The following NAV1 variants were observed in gnomAD, a reference collection of about 807,000 sequenced individuals.
The protein encoded by NAV1 is pore membrane and/or filament interacting like protein 3.
In NAV1, 18 loss-of-function variants were observed where a neutral mutation model predicts 175.2. That is an observed-to-expected ratio of 0.10 (90% confidence interval 0.07 to 0.15). The LOEUF is 0.15. NAV1 is among the 10% of genes least tolerant of loss of function. NAV1 has a pLI of 1.00. For synonymous variants in NAV1, 897 were observed against 978.7 expected (o/e 0.92, Z 1.56); for missense variants, 1,731 against 2,436.6 (o/e 0.71, Z 6.10).
At chr1:201,744,652 A>T (rs1673655225) in intron 3 of NAV1, among the ~76,000 whole-genome samples, 1 of 152,212 alleles carries the variant, frequency 6.6e-6, no homozygotes, top group Non-Finnish European at 1.5e-5. Flanking sequence ...AGCAGGGGCC[A>T]TACTTTGAGT....
chr1:201,818,141 A>G (rs553201534), intron 29 of NAV1, among the ~76,000 whole-genome samples: 1 of 152,186 alleles, frequency 6.6e-6, no homozygotes, highest in East Asian at 1.9e-4. Context: ...GAGGTGGGAG[A>G]TTGCTTGAGC....
At chr1:201,654,717 A>G (rs1430901606) in intron 1 of NAV1, among the ~76,000 whole-genome samples, 4 of 152,030 alleles carry the variant, frequency 2.6e-5, no homozygotes, top group African/African-American at 4.8e-5. Context: ...CCCTTCCCTG[A>G]GATTTCATAG....
exon 11 of NAV1, chr1:201,789,765 C>A (rs1457851430): frequency 1.2e-6 from 2 of 1,614,022 alleles, no homozygotes; most frequent in African/African-American, 2.7e-5. Context: ...TGTCCCTGGC[C>A]TCCAGTGCCT....
At chr1:201,779,927 G>A (rs759641300) in intron 3 of NAV1, among the ~76,000 whole-genome samples, 3 of 152,102 alleles carry the variant, frequency 2.0e-5, no homozygotes, top group Admixed American at 6.6e-5. Context: ...CTGCATAAAC[G>A]GAGGCTCAAT....
At chr1:201,806,718 G>GC (rs1571512182) in intron 17 of NAV1, among the ~76,000 whole-genome samples, 1 of 152,140 alleles carries the variant, frequency 6.6e-6, no homozygotes, top group East Asian at 1.9e-4. Context: ...GTACTTTTGA[G>GC]CCCTGACTGC....
chr1:201,570,565 G>T (rs1433584195), intron 1 of NAV1, among the ~76,000 whole-genome samples: 2 of 152,236 alleles, frequency 1.3e-5, no homozygotes, highest in Non-Finnish European at 2.9e-5. Context: ...CCAAGGAGAT[G>T]CTTGCCTGGT....
intron 3 of NAV1, chr1:201,719,754 C>T (rs73086584): frequency 0.017 from 2,523 of 152,688 alleles, 69 homozygotes; most frequent in African/African-American, 0.057. Flanking sequence ...AGGGGCCATA[C>T]AAGTAGCAGC....
At chr1:201,650,218 A>T (rs1038902236) in intron 1 of NAV1, among the ~76,000 whole-genome samples, 5 of 152,310 alleles carry the variant, frequency 3.3e-5, no homozygotes, top group African/African-American at 1.2e-4. Context: ...GGAAGCGCGC[A>T]GAGCTGTTCC....
intron 1 of NAV1, among the ~76,000 whole-genome samples, chr1:201,708,492 C>T (rs1671767520): frequency 6.6e-6 from 1 of 151,850 alleles, no homozygotes; most frequent in African/African-American, 2.4e-5. Context: ...TGCAGCTGGA[C>T]CCTGTTCTGT....
At chr1:201,717,335 C>T (rs975804903) in intron 2 of NAV1, among the ~76,000 whole-genome samples, 1 of 152,216 alleles carries the variant, frequency 6.6e-6, no homozygotes, top group South Asian at 2.1e-4. Flanking sequence ...GTTTCGCTTA[C>T]TTAGTCCTGT....
chr1:201,621,050 A>T (rs1668153370), upstream of NAV1, among the ~76,000 whole-genome samples: 1 of 151,728 alleles, frequency 6.6e-6, no homozygotes, highest in Non-Finnish European at 1.5e-5. Context: ...CCTCCCAAGT[A>T]GTGGGACTAC....
At chr1:201,758,271 C>T (rs1674635613) in intron 3 of NAV1, among the ~76,000 whole-genome samples, 2 of 152,288 alleles carry the variant, frequency 1.3e-5, no homozygotes, top group African/African-American at 4.8e-5. Context: ...ACCCTGACAT[C>T]GATTTCTTTT....
rs117398926 is a variant in NAV1, at chr1:201,628,945, T to C, written c.-100-459T>C. ...CTGGACTACGAGCAAGCCCAAAGCC[T>C]GTGTGCCCCCTGAGCTACCAGGAAT... On this transcript the variant is annotated intron_variant, in intron 1 of 29. Coordinates refer to the NAV1 transcript ENST00000367302. Among the ~76,000 whole-genome samples the C allele has an allele frequency of 2.6e-3, 393 of 152,260 alleles. 8 individuals are homozygous for C. In the East Asian group the frequency reaches 0.047, roughly 18 times the overall value.
chr1:201,676,332 G>C (rs1184176292), intron 1 of NAV1, among the ~76,000 whole-genome samples: 1 of 152,174 alleles, frequency 6.6e-6, no homozygotes, highest in Non-Finnish European at 1.5e-5. Context: ...CAGCCAGGCT[G>C]GGCTCAGGTT....
upstream of NAV1, among the ~76,000 whole-genome samples, chr1:201,643,684 A>G (rs887416233): frequency 3.3e-5 from 5 of 152,232 alleles, no homozygotes; most frequent in African/African-American, 1.2e-4. Context: ...AAGTGCTGGG[A>G]TTACAGGCAT....
exon 1 of NAV1, chr1:201,648,924 C>G: frequency 6.2e-7 from 1 of 1,612,826 alleles, no homozygotes; most frequent in African/African-American, 1.3e-5. Context: ...CTCCAACCTG[C>G]GCAAGCAGAA....
upstream of NAV1, among the ~76,000 whole-genome samples, chr1:201,618,695 G>A (rs930958594): frequency 1.3e-5 from 2 of 152,146 alleles, no homozygotes; most frequent in African/African-American, 4.8e-5. Flanking sequence ...TTTTAGCTGT[G>A]TGTGTCCTGG....
chr1:201,781,455 C>CTA, intron 5 of NAV1, 146 bp downstream of exon 9: 1 of 792,588 alleles, frequency 1.3e-6, no homozygotes, highest in Non-Finnish European at 1.9e-6. Context: ...AAGGACAGTC[C>CTA]CGTGAGTTAG....
At chr1:201,616,591 G>T (rs577227528) in intron 2 of NAV1, among the ~76,000 whole-genome samples, 7 of 151,976 alleles carry the variant, frequency 4.6e-5, no homozygotes, top group African/African-American at 1.5e-4. Context: ...AGGTTCAAGC[G>T]ATTCTCCTGC....
Sources: allele counts gnomAD v4.1 joint callset (sites outside exome capture counted in the v4.1 genomes callset), GRCh38; gene constraint gnomAD v4.1.1; transcripts MANE v1.5; gene names NCBI Gene and HGNC (gene_info 2026-07-23, HGNC 2026-07-21).